REEP1: variants seen among roughly 807,000 people sequenced by gnomAD.
The protein encoded by REEP1 is receptor expression-enhancing protein 1.
A neutral mutation model predicts 40.3 loss-of-function variants in REEP1; 22 were observed. That is an observed-to-expected ratio of 0.55 (90% CI 0.39 to 0.78). The LOEUF is 0.78. Ranked by LOEUF, REEP1 falls within the 30% of genes least tolerant of loss-of-function variation. The probability of loss-of-function intolerance (pLI) is 0.00; values close to 1 mark genes in which losing one functional copy is unlikely to be tolerated. For synonymous variants in REEP1, 116 were observed against 139.2 expected (o/e 0.83, Z 1.17); for missense variants, 280 against 361.1 (o/e 0.78, Z 1.82).
chr2:86,262,917 A>C (rs538483903), intron 3 of REEP1, among the ~76,000 whole-genome samples: 1 of 152,260 alleles, frequency 6.6e-6, no homozygotes, highest in East Asian at 1.9e-4. Context: ...CAATACAGCA[A>C]TACAAAGATC....
chr2:86,245,927 G>A (rs1675922200), intron 5 of REEP1, among the ~76,000 whole-genome samples: 3 of 152,014 alleles, frequency 2.0e-5, no homozygotes, highest in Admixed American at 2.0e-4. Context: ...ACCACGCCCG[G>A]CTAATTTTTT....
chr2:86,265,903 TAACA>T (rs1677109446), intron 2 of REEP1, among the ~76,000 whole-genome samples: 1 of 152,170 alleles, frequency 6.6e-6, no homozygotes, highest in African/African-American at 2.4e-5. Flanking sequence ...TATATCCACG[TAACA>T]AACCTGCACT....
At chr2:86,245,975 A>G (rs1007081723) in intron 5 of REEP1, among the ~76,000 whole-genome samples, 4 of 152,074 alleles carry the variant, frequency 2.6e-5, no homozygotes, top group South Asian at 2.1e-4. Context: ...CATGTTAGCC[A>G]GGATGGTCTC....
intron 8 of REEP1, among the ~76,000 whole-genome samples, chr2:86,219,769 T>G (rs1354159329): frequency 6.6e-6 from 1 of 152,126 alleles, no homozygotes; most frequent in Non-Finnish European, 1.5e-5. Flanking sequence ...CTAAATGAAA[T>G]TAATAGGATT....
At chr2:86,241,096 T>A (rs1228510294) in intron 5 of REEP1, among the ~76,000 whole-genome samples, 1 of 152,194 alleles carries the variant, frequency 6.6e-6, no homozygotes, top group Admixed American at 6.5e-5. Context: ...TGCCCGGTGA[T>A]GGGGAGTCAG....
At chr2:86,220,691 T>C (rs1674366820) in intron 7 of REEP1, among the ~76,000 whole-genome samples, 1 of 135,550 alleles carries the variant, frequency 7.4e-6, no homozygotes, top group Non-Finnish European at 1.6e-5. Context: ...AACAAAGCTA[T>C]ATAGTTTTTT....
chr2:86,300,275 G>T (rs753900931), intron 1 of REEP1, among the ~76,000 whole-genome samples: 2 of 151,946 alleles, frequency 1.3e-5, no homozygotes, highest in Admixed American at 6.6e-5. Flanking sequence ...ATTTCCCATC[G>T]ACAGGTCCTG....
intron 1 of REEP1, among the ~76,000 whole-genome samples, chr2:86,307,097 C>A (rs192617960): frequency 6.6e-6 from 1 of 151,256 alleles, no homozygotes; most frequent in South Asian, 2.1e-4. Flanking sequence ...CCCAGCTACT[C>A]GGGTGCTGAG....
Position 86,227,373 on chromosome 2 carries a change from C to A in REEP1, c.621G>T (p.Arg207Ser), listed in dbSNP as rs1398545710. The change falls in exon 7 of 9, where the codon AGG becomes AGT. Residue 207 changes from arginine to serine, a missense_variant. Around this residue, in one of 3 missense-constraint regions of REEP1, gnomAD observed 201 missense variants for 238.5 expected, o/e 0.84. Coordinates refer to ENST00000538924, the MANE Select transcript of REEP1 (RefSeq NM_001371279.1). ...SSVCTCCSTC[R>S]TWKVVEGDVN... Reference sequence around the variant, plus strand: ...TGGCTGCTTACTCACCTTTCCAGGTCCTGCAGGTGGAGCAGCAGGTACACA... The same window carrying A: ...TGGCTGCTTACTCACCTTTCCAGGTACTGCAGGTGGAGCAGCAGGTACACA... 8.1e-7 allele frequency: 1 copy of A among 1,232,290 alleles called. No homozygotes were observed. The highest frequency in any genetic ancestry group is 3.2e-5 in the East Asian group (1 of 31,712). 76.3% of individuals were successfully genotyped at this position (1,232,290 alleles called of 1,614,324 possible). A position where few individuals can be genotyped will look rare whatever the true frequency, so the allele number is the denominator to read the frequency against.
intron 1 of REEP1, among the ~76,000 whole-genome samples, chr2:86,312,613 G>A (rs1483787978): frequency 6.6e-6 from 1 of 152,142 alleles, no homozygotes; most frequent in Non-Finnish European, 1.5e-5. Flanking sequence ...CTCCAGCCTG[G>A]ATGACAAAGT....
intron 3 of REEP1, 136 bp from the exon 4 acceptor site, chr2:86,254,950 TC>T: frequency 1.1e-6 from 1 of 901,088 alleles, no homozygotes; most frequent in Admixed American, 2.0e-5. Context: ...TCCTCTGTCC[TC>T]CACCTATGAA....
chr2:86,261,436 C>T (rs1276335999), intron 3 of REEP1, among the ~76,000 whole-genome samples: 3 of 152,208 alleles, frequency 2.0e-5, no homozygotes, highest in Non-Finnish European at 4.4e-5. Flanking sequence ...TTACCCCCAA[C>T]CCCGTGCTCT....
rs367979322 is a variant in REEP1, at chr2:86,263,945, C to T, written c.182+20G>A. On this transcript the variant is annotated intron_variant, in intron 3 of 8. Coordinates refer to ENST00000538924, the MANE Select transcript of REEP1 (RefSeq NM_001371279.1). ...AAGCAAAATTGTCCTTAGAAACATC[C>T]CAACTCCTGGAGTACTTACCAACAA... 34 of 1,595,968 alleles carry T rather than the reference C, an allele frequency of 2.1e-5. No homozygotes were observed. In the East Asian group the frequency reaches 2.9e-4, roughly 14 times the overall value.
chr2:86,328,902 G>A lies in REEP1; in HGVS notation c.32+8577C>T, dbSNP rs117301233. 1.9e-3 allele frequency among the ~76,000 whole-genome samples: 291 copies of A among 152,288 alleles called. 2 individuals carry two copies. Among genetic ancestry groups the A allele is most frequent in the South Asian group, 0.019 (91 of 4,818 alleles). Reference sequence around the variant, plus strand: ...AATTAATGCTGTTTTAGCAGTTGCCGTCTGCAGATGGCTGTTAACCAGCTC... The same window carrying A: ...AATTAATGCTGTTTTAGCAGTTGCCATCTGCAGATGGCTGTTAACCAGCTC... On this transcript the variant is annotated intron_variant, in intron 1 of 8. Transcript: ENST00000538924.
At chr2:86,266,215 C>T (rs140130008) in intron 2 of REEP1, among the ~76,000 whole-genome samples, 112 of 152,324 alleles carry the variant, frequency 7.4e-4, no homozygotes, top group African/African-American at 2.3e-3. Context: ...CAAAAATTAA[C>T]TTCAAATGGA....
At chr2:86,244,086 TCTGA>T (rs1412185779) in intron 5 of REEP1, among the ~76,000 whole-genome samples, 1 of 152,196 alleles carries the variant, frequency 6.6e-6, no homozygotes, top group African/African-American at 2.4e-5. Flanking sequence ...ATGCCTGCCC[TCTGA>T]CTAATTGTTA....
intron 3 of REEP1, among the ~76,000 whole-genome samples, chr2:86,256,326 C>T (rs1439557235): frequency 8.6e-5 from 12 of 140,294 alleles, no homozygotes; most frequent in African/African-American, 1.4e-4. Flanking sequence ...CTAGCCTGGG[C>T]GACAGAGCAA....
chr2:86,222,993 A>G (rs1674505556), intron 7 of REEP1, among the ~76,000 whole-genome samples: 1 of 152,198 alleles, frequency 6.6e-6, no homozygotes, highest in Non-Finnish European at 1.5e-5. Context: ...TCCACATCTT[A>G]GTACTCTAAT....
chr2:86,228,879 A>G (rs1452446626), intron 6 of REEP1, among the ~76,000 whole-genome samples: 1 of 152,192 alleles, frequency 6.6e-6, no homozygotes, highest in Non-Finnish European at 1.5e-5. Flanking sequence ...CATGTTCTTC[A>G]TATAAACTCC....
Sources: allele counts gnomAD v4.1 joint callset (sites outside exome capture counted in the v4.1 genomes callset), GRCh38; gene constraint gnomAD v4.1.1; regional missense constraint gnomAD v4.1.1; transcripts MANE v1.5; gene names NCBI Gene and HGNC (gene_info 2026-07-23, HGNC 2026-07-21).